RANBP10: variants seen among roughly 807,000 people sequenced by gnomAD.
RANBP10 encodes RAN binding protein 10.
In RANBP10, 24 loss-of-function variants were observed where a neutral mutation model predicts 72.8. The ratio of observed to expected loss-of-function variants is 0.33; its 90% CI spans 0.24 to 0.46. RANBP10 has a LOEUF of 0.46. Among genes scored for constraint, RANBP10 ranks in the 20% least tolerant of loss-of-function variants. The probability of loss-of-function intolerance (pLI) is 1.00; values close to 1 mark genes in which losing one functional copy is unlikely to be tolerated. For missense variants in RANBP10, 679 were observed against 817.5 expected (o/e 0.83, Z 2.07); for synonymous variants, 310 against 322.3 (o/e 0.96, Z 0.41).
intron 11 of RANBP10, 32 bp downstream of exon 11, chr16:67,728,358 C>T (rs1327307278): frequency 6.2e-7 from 1 of 1,608,962 alleles, no homozygotes; most frequent in East Asian, 2.2e-5. Context: ...ACACTGCCCT[C>T]AAAGAATAGC....
chr16:67,793,374 C>A (rs371697697), intron 2 of RANBP10, among the ~76,000 whole-genome samples: 1 of 149,322 alleles, frequency 6.7e-6, no homozygotes, highest in African/African-American at 2.5e-5. Context: ...CACAATGGCA[C>A]GACCACGGCT....
chr16:67,744,216 C>G, intron 4 of RANBP10, 72 bp downstream of exon 4: 1 of 1,557,932 alleles, frequency 6.4e-7, no homozygotes, highest in Non-Finnish European at 8.7e-7. Flanking sequence ...GCCTTGAGCA[C>G]TTGCCCCTGA....
chr16:67,755,122 C>G (rs896452873), intron 3 of RANBP10, among the ~76,000 whole-genome samples: 6 of 152,142 alleles, frequency 3.9e-5, no homozygotes, highest in Non-Finnish European at 8.8e-5. Flanking sequence ...AAGCACCATG[C>G]CTAGGGTGCT....
intron 5 of RANBP10, among the ~76,000 whole-genome samples, chr16:67,736,929 G>A (rs562013650): frequency 3.2e-4 from 49 of 152,266 alleles, no homozygotes; most frequent in Non-Finnish European, 6.2e-4. Context: ...GGGTGTTTGG[G>A]ATCCCAAAGC....
chr16:67,795,209 C>T (rs1199179771), intron 2 of RANBP10, among the ~76,000 whole-genome samples: 1 of 151,716 alleles, frequency 6.6e-6, no homozygotes, highest in Non-Finnish European at 1.5e-5. Flanking sequence ...TGCAATACTG[C>T]ACTCCAGCCT....
In RANBP10 at chr16:67,772,090, CA is replaced by C. The variant is rs35741053; in HGVS notation, c.348-5del. 249,987 of 1,241,480 alleles carry C rather than the reference CA, an allele frequency of 0.2. 996 individuals are homozygous for C. The highest frequency in any genetic ancestry group is 0.29 in the African/African-American group (15,252 of 52,832). The allele number at this position is 1,241,480 out of a possible 1,614,324, so 76.9% of individuals were successfully genotyped here. On this transcript the variant is annotated splice_polypyrimidine_tract_variant and splice_region_variant and intron_variant, in intron 2 of 13. Transcript: ENST00000317506. ...CGAGAGTCCTATTCCCATGTAACTTCAAAAAAAAAAAAAAAAAAAACACAAA... is the reference window on the plus strand; with the variant it reads ...CGAGAGTCCTATTCCCATGTAACTTCAAAAAAAAAAAAAAAAAAACACAAA...
At chr16:67,769,694 C>T (rs1167766995) in intron 3 of RANBP10, among the ~76,000 whole-genome samples, 2 of 131,314 alleles carry the variant, frequency 1.5e-5, no homozygotes, top group Middle Eastern at 4.5e-3. Context: ...TGCAGTGAGC[C>T]GAGATCTCGC....
chr16:67,787,558 C>T (rs1278309962), intron 2 of RANBP10, among the ~76,000 whole-genome samples: 2 of 152,162 alleles, frequency 1.3e-5, no homozygotes, highest in East Asian at 3.8e-4. Flanking sequence ...AAAATAGGAA[C>T]TCAAACACTA....
At chr16:67,772,366 T>A (rs1028451961) in intron 2 of RANBP10, among the ~76,000 whole-genome samples, 2 of 152,214 alleles carry the variant, frequency 1.3e-5, no homozygotes, top group African/African-American at 2.4e-5. Flanking sequence ...CATGAATTCA[T>A]GGCTTCCAGT....
intron 2 of RANBP10, among the ~76,000 whole-genome samples, chr16:67,775,921 G>A (rs762144571): frequency 1.2e-4 from 18 of 151,866 alleles, no homozygotes; most frequent in African/African-American, 2.9e-4. Context: ...CCAGGCGAGC[G>A]GATCACAAGG....
chr16:67,805,677 G>C (rs2055380322), intron 1 of RANBP10, 138 bp from the exon 2 acceptor site: 1 of 685,310 alleles, frequency 1.5e-6, no homozygotes, highest in Admixed American at 2.6e-5. Context: ...GGAATCATTA[G>C]ACAACTGAAT....
intron 2 of RANBP10, among the ~76,000 whole-genome samples, chr16:67,787,848 A>AT (rs1189091273): frequency 5.0e-4 from 75 of 151,296 alleles, no homozygotes; most frequent in Non-Finnish European, 9.3e-4. Flanking sequence ...AAAAAAAAAA[A>AT]TTTTTTTTTG....
intron 2 of RANBP10, among the ~76,000 whole-genome samples, chr16:67,783,383 C>T (rs1168859470): frequency 6.6e-6 from 1 of 152,152 alleles, no homozygotes; most frequent in Non-Finnish European, 1.5e-5. Context: ...GTCCTGATAA[C>T]AAGTTTGAGA....
intron 5 of RANBP10, among the ~76,000 whole-genome samples, chr16:67,735,408 A>G (rs2053823408): frequency 6.6e-6 from 1 of 152,168 alleles, no homozygotes; most frequent in South Asian, 2.1e-4. Context: ...ATAGTGGGTC[A>G]TGGCTCCTCT....
intron 2 of RANBP10, among the ~76,000 whole-genome samples, chr16:67,772,320 C>G (rs1449937883): frequency 6.6e-6 from 1 of 152,150 alleles, no homozygotes; most frequent in Non-Finnish European, 1.5e-5. Context: ...TGTTGTGTCA[C>G]TATGAACCAC....
intron 3 of RANBP10, among the ~76,000 whole-genome samples, chr16:67,756,020 G>A (rs2054280123): frequency 1.3e-5 from 2 of 152,218 alleles, no homozygotes; most frequent in Non-Finnish European, 2.9e-5. Flanking sequence ...GGTGGCCAGT[G>A]CAGATGCTCT....
rs148003064 is a variant in RANBP10, at chr16:67,731,491, C to T, written c.870G>A (p.Ala290=). ...CCTTACTTTGTCTGTTCTTTATGGACGCCTGTTCTTCCTGAATCGGGGTTT... is the reference window on the plus strand; with the variant it reads ...CCTTACTTTGTCTGTTCTTTATGGATGCCTGTTCTTCCTGAATCGGGGTTT... ...MTETPIQEEQ[A]SIKNRQKIQK... The change falls in exon 7 of 14, where the codon GCG becomes GCA. Residue 290 remains alanine (A), a synonymous_variant. Coordinates refer to ENST00000317506, the MANE Select transcript of RANBP10 (RefSeq NM_020850.3). The T allele has an allele frequency of 2.7e-5, 43 of 1,613,440 alleles. No individual in the cohort carries two copies. The highest frequency in any genetic ancestry group is 8.0e-5 in the African/African-American group (6 of 74,898).
At chr16:67,763,451 C>A (rs2054437890) in intron 3 of RANBP10, 1 of 152,250 alleles carries the variant, frequency 6.6e-6, no homozygotes, top group Non-Finnish European at 1.5e-5. Context: ...CAAGTGGGTT[C>A]ACCTCTGTTG....
intron 2 of RANBP10, among the ~76,000 whole-genome samples, chr16:67,780,760 G>T (rs1170160393): frequency 6.6e-6 from 1 of 152,178 alleles, no homozygotes; most frequent in Non-Finnish European, 1.5e-5. Flanking sequence ...AATTTATTGG[G>T]TGGGGGAGGA....
Sources: allele counts gnomAD v4.1 joint callset (sites outside exome capture counted in the v4.1 genomes callset), GRCh38; gene constraint gnomAD v4.1.1; transcripts MANE v1.5; gene names NCBI Gene and HGNC (gene_info 2026-07-23, HGNC 2026-07-21).